Variants in CDH2 observed in about 807,000 individuals in gnomAD.
CDH2 encodes the protein cadherin 2, also known as cadherin-2.
In CDH2, 17 loss-of-function variants were observed where a neutral mutation model predicts 92.0. The observed-to-expected ratio is 0.18, with a 90% CI of 0.13 to 0.28. The LOEUF (loss-of-function observed/expected upper bound fraction) is 0.28. Among genes scored for constraint, CDH2 ranks in the 10% least tolerant of loss-of-function variants. The pLI is 1.00. For missense variants in CDH2, 862 were observed against 1,133.1 expected (o/e 0.76, Z 3.44); for synonymous variants, 419 against 415.9 (o/e 1.01, Z -0.09).
Position 28,003,065 on chromosome 18 carries a change from G to A in CDH2, c.952C>T (p.Pro318Ser). Residue 318 changes from proline to serine, a missense_variant, in exon 7 of 16, where the codon CCC becomes TCC. Physicochemically the swap from Pro to Ser is moderately conservative, Grantham distance 74. Around this residue, in one of 5 missense-constraint regions of CDH2, gnomAD observed 564 missense variants for 722.2 expected, o/e 0.78. Coordinates refer to ENST00000269141, the MANE Select transcript of CDH2 (RefSeq NM_001792.5). ...IVSQAPSTPS[P>S]NMFTINNETG... ...TCATTGTTGATTGTAAACATGTTGG[G>A]TGAAGGGGTGCTTGGAGCCTGAGAC... 1 of 1,614,034 alleles carries A rather than the reference G, an allele frequency of 6.2e-7. No individual in the cohort carries two copies. Among genetic ancestry groups the A allele is most frequent in the Non-Finnish European group, 8.5e-7 (1 of 1,179,950 alleles).
chr18:28,121,243 CAT>C (rs2015583726), intron 2 of CDH2, among the ~76,000 whole-genome samples: 1 of 152,062 alleles, frequency 6.6e-6, no homozygotes, highest in Non-Finnish European at 1.5e-5. Flanking sequence ...CATGAGAAAA[CAT>C]GTGATTGTTT....
rs538490050 is a variant in CDH2, at chr18:28,107,565, T to C, written c.172+40108A>G. Among the ~76,000 whole-genome samples the C allele has an allele frequency of 2.6e-5, 4 of 152,320 alleles. No individual in the cohort carries two copies. The South Asian group carries it at 8.3e-4, about 32-fold the overall frequency. On this transcript the variant is annotated intron_variant, in intron 2 of 15. Transcript: ENST00000269141. ...TGTATGCCATAACACTGATAAATAC[T>C]GGTACATACCTTACATTTACAAGTA...
chr18:27,967,467 T>C (rs1012247330), intron 14 of CDH2, among the ~76,000 whole-genome samples: 5 of 152,144 alleles, frequency 3.3e-5, no homozygotes, highest in South Asian at 2.1e-4. Flanking sequence ...CTCAACGTCA[T>C]TGGGTTCATG....
chr18:28,034,779 T>C (rs990870794), intron 2 of CDH2, among the ~76,000 whole-genome samples: 2 of 151,942 alleles, frequency 1.3e-5, no homozygotes, highest in Non-Finnish European at 2.9e-5. Flanking sequence ...ATGAAACAGA[T>C]TTCAGTCATT....
At chr18:28,174,612 C>T (rs563750195) in intron 1 of CDH2, among the ~76,000 whole-genome samples, 1 of 152,296 alleles carries the variant, frequency 6.6e-6, no homozygotes, top group South Asian at 2.1e-4. Flanking sequence ...TGGAAAAGCA[C>T]ATTATTTAAT....
chr18:27,970,858 CAT>C (rs2011638591), intron 14 of CDH2, among the ~76,000 whole-genome samples: 1 of 152,180 alleles, frequency 6.6e-6, no homozygotes, highest in African/African-American at 2.4e-5. Context: ...ATAGATAACA[CAT>C]AAAAAATGGG....
At chr18:28,001,766 G>A (rs1263892674) in intron 7 of CDH2, among the ~76,000 whole-genome samples, 3 of 152,138 alleles carry the variant, frequency 2.0e-5, no homozygotes, top group African/African-American at 4.8e-5. Context: ...ATCTTTATTG[G>A]CTCATATTAC....
downstream of CDH2, among the ~76,000 whole-genome samples, chr18:27,949,959 G>T (rs1274807938): frequency 6.6e-6 from 1 of 152,054 alleles, no homozygotes. Flanking sequence ...TCTAAATGGT[G>T]TGAGCATTAA....
At chr18:28,089,366 T>C (rs1366738060) in intron 2 of CDH2, among the ~76,000 whole-genome samples, 1 of 152,204 alleles carries the variant, frequency 6.6e-6, no homozygotes, top group Non-Finnish European at 1.5e-5. Context: ...CAGTCACAAC[T>C]TATAATAACC....
At chr18:27,991,826 G>A (rs2012426346) in intron 9 of CDH2, among the ~76,000 whole-genome samples, 1 of 152,170 alleles carries the variant, frequency 6.6e-6, no homozygotes, top group Non-Finnish European at 1.5e-5. Flanking sequence ...ATCTTTCTAT[G>A]TAAGGTCAAT....
At chr18:28,006,103 C>A (rs947954684) in intron 5 of CDH2, 110 bp from the exon 6 acceptor site, 21 of 834,074 alleles carry the variant, frequency 2.5e-5, no homozygotes, top group Non-Finnish European at 3.5e-5. Flanking sequence ...AGCTGAAAAA[C>A]AAAAGCGGTT....
chr18:28,017,496 T>C (rs1198354998), intron 2 of CDH2, among the ~76,000 whole-genome samples: 1 of 152,168 alleles, frequency 6.6e-6, no homozygotes, highest in Non-Finnish European at 1.5e-5. Context: ...ATTTGGATAT[T>C]CTCTCTTCTT....
intron 15 of CDH2, among the ~76,000 whole-genome samples, chr18:27,961,951 A>C (rs2011416489): frequency 6.6e-6 from 1 of 152,116 alleles, no homozygotes. Context: ...AAAACCAAAA[A>C]AAATTAAAAA....
chr18:27,999,842 C>T (rs1377364819), intron 7 of CDH2, among the ~76,000 whole-genome samples: 4 of 151,734 alleles, frequency 2.6e-5, no homozygotes, highest in Non-Finnish European at 5.9e-5. Context: ...AGGGCGGAAC[C>T]GGGTGGAGGT....
At chr18:27,985,819 T>C in intron 11 of CDH2, 58 bp from the exon 12 acceptor site, 1 of 1,003,456 alleles carries the variant, frequency 1.0e-6, no homozygotes, top group South Asian at 1.5e-5. Context: ...TGAGCCTCAA[T>C]TATGGTGAAA....
chr18:28,060,802 C>G (rs986243501), intron 2 of CDH2, among the ~76,000 whole-genome samples: 2 of 152,098 alleles, frequency 1.3e-5, no homozygotes, highest in African/African-American at 4.8e-5. Context: ...TTTAAAGAAC[C>G]CTGGCTCCTT....
intron 2 of CDH2, among the ~76,000 whole-genome samples, chr18:28,103,905 A>T (rs150161945): frequency 2.9e-3 from 436 of 152,234 alleles, no homozygotes; most frequent in Non-Finnish European, 4.6e-3. Flanking sequence ...AATCACCAGA[A>T]ATTTTAAATA....
chr18:28,085,502 C>T (rs1228553863), intron 2 of CDH2, among the ~76,000 whole-genome samples: 1 of 152,140 alleles, frequency 6.6e-6, no homozygotes, highest in Non-Finnish European at 1.5e-5. Context: ...CATATCATGG[C>T]TCTTCTCATT....
chr18:28,053,117 T>C (rs1479577906), intron 2 of CDH2, among the ~76,000 whole-genome samples: 1 of 152,140 alleles, frequency 6.6e-6, no homozygotes, highest in Non-Finnish European at 1.5e-5. Flanking sequence ...GGCACCTTGA[T>C]CTCAGACTTC....
Sources: gnomAD v4.1 joint callset for allele counts (sites outside exome capture counted in the v4.1 genomes callset) on GRCh38, gnomAD v4.1.1 for gene constraint, gnomAD v4.1.1 regional missense constraint, MANE v1.5 for transcripts, NCBI Gene and HGNC (gene_info 2026-07-23, HGNC 2026-07-21) for gene names.